Variants in CEACAM3 observed in about 807,000 individuals in gnomAD.
CEACAM3 encodes the protein cell adhesion molecule CEACAM3.
In CEACAM3, 32 loss-of-function variants were observed where a neutral mutation model predicts 30.1. That is an observed-to-expected ratio of 1.06 (90% confidence interval 0.80 to 1.43). CEACAM3 has a LOEUF of 1.43. Among genes scored for constraint, CEACAM3 ranks in the 40% most tolerant of loss-of-function variants. The pLI is 0.00. For missense variants in CEACAM3, 290 were observed against 316.3 expected (o/e 0.92, Z 0.63); for synonymous variants, 134 against 127.2 (o/e 1.05, Z -0.36).
At chr19:41,804,260 C>T (rs1280205599) in intron 2 of CEACAM3, among the ~76,000 whole-genome samples, 2 of 128,170 alleles carry the variant, frequency 1.6e-5, no homozygotes, top group Non-Finnish European at 3.7e-5. Context: ...TCTGATGGGC[C>T]CACTGCTTGT....
chr19:41,803,882 C>G (rs550808022), intron 2 of CEACAM3, among the ~76,000 whole-genome samples: 2 of 152,112 alleles, frequency 1.3e-5, no homozygotes, highest in East Asian at 3.9e-4. Context: ...GAGTTCGAGA[C>G]CAGCCTGGCC....
chr19:41,805,368 T>G (rs1476116258), intron 2 of CEACAM3, among the ~76,000 whole-genome samples: 1 of 149,892 alleles, frequency 6.7e-6, no homozygotes, highest in Non-Finnish European at 1.5e-5. Context: ...CTTGGCTCAC[T>G]GCAACCTCCG....
At position 41,811,215 on chromosome 19, in the gene CEACAM3, A is replaced by C; in HGVS notation, c.737A>C (p.His246Pro). 1 of 1,614,034 alleles carries C rather than the reference A, an allele frequency of 6.2e-7. No homozygotes were observed. The highest frequency in any genetic ancestry group is 8.5e-7 in the Non-Finnish European group (1 of 1,180,012). ...HDTNIYCRMD[H>P]KAEVAS is the part of the protein sequence containing the mutation. ...ACAAACATTTACTGCCGGATGGACC[A>C]CAAAGCAGAAGTGGCTTCTTAGCTT... is the stretch of plus-strand genomic sequence containing the variant. Residue 246 changes from histidine to proline, a missense_variant, in exon 7 of 7, where the codon CAC becomes CCC. Physicochemically the swap from His to Pro is moderately conservative, Grantham distance 77. Transcript: ENST00000357396.
intron 2 of CEACAM3, among the ~76,000 whole-genome samples, chr19:41,801,507 A>C (rs1555825979): frequency 6.6e-6 from 1 of 152,240 alleles, no homozygotes; most frequent in Non-Finnish European, 1.5e-5. Flanking sequence ...ACGATATTGC[A>C]GTCAAGAAAG....
intron 2 of CEACAM3, among the ~76,000 whole-genome samples, chr19:41,805,305 T>A (rs2073189518): frequency 6.7e-6 from 1 of 149,956 alleles, no homozygotes; most frequent in Non-Finnish European, 1.5e-5. Flanking sequence ...TTTTTTTTTT[T>A]TTTTAGATAG....
At chr19:41,800,587 C>G (rs1360085904) in intron 2 of CEACAM3, among the ~76,000 whole-genome samples, 1 of 152,172 alleles carries the variant, frequency 6.6e-6, no homozygotes, top group Non-Finnish European at 1.5e-5. Context: ...TCCTGTACGC[C>G]TGGCTCTGCC....
At position 41,797,949 on chromosome 19, in the gene CEACAM3, G is replaced by C; in HGVS notation, c.424+1G>C. 6.3e-7 allele frequency: 1 copy of C among 1,593,214 alleles called. No homozygotes were observed. Among genetic ancestry groups the C allele is most frequent in the East Asian group, 2.2e-5 (1 of 44,770 alleles). On this transcript the variant is annotated splice_donor_variant, in intron 2 of 6. Transcript: ENST00000357396. LOFTEE classifies it high-confidence loss of function. ...GCAACTGGACAGTTCCATGTATACC[G>C]TGAGTATTTCCACATGACCTCTGGG...
intron 2 of CEACAM3, among the ~76,000 whole-genome samples, chr19:41,805,716 T>C (rs2073193136): frequency 6.6e-6 from 1 of 152,208 alleles, no homozygotes; most frequent in African/African-American, 2.4e-5. Context: ...GAGAAAATAT[T>C]TGCAAAGATT....
chr19:41,810,324 C>T lies in CEACAM3; in HGVS notation c.597C>T (p.Gly199=). 1 of 1,604,974 alleles carries T rather than the reference C, an allele frequency of 6.2e-7. No homozygotes were observed. Residue 199 remains glycine, a splice_region_variant and synonymous_variant, in exon 5 of 7, where the codon GGC becomes GGT. Transcript: ENST00000357396. Reference sequence around the variant, plus strand: ...GCTCACTCCTGTCTCTGTTTCCAGGCCGTGGTCCCTCCCACAGCTCTGCCT... The same window carrying T: ...GCTCACTCCTGTCTCTGTTTCCAGGTCGTGGTCCCTCCCACAGCTCTGCCT... The part of the protein sequence containing the change: ...KEQQPQALAP[G]RGPSHSSAFS...
At chr19:41,803,426 A>ATGTG (rs1164324050) in intron 2 of CEACAM3, among the ~76,000 whole-genome samples, 323 of 128,982 alleles carry the variant, frequency 2.5e-3, no homozygotes, top group African/African-American at 7.3e-3. Flanking sequence ...TTGTGTGTGT[A>ATGTG]TGTGTGTGTG....
In CEACAM3 at chr19:41,810,834, G is replaced by C; in HGVS notation, c.630G>C (p.Met210Ile). The change falls in exon 6 of 7, where the codon ATG becomes ATC. Residue 210 changes from methionine (M) to isoleucine (I), a missense_variant and splice_region_variant. Transcript: ENST00000357396. Reference sequence around the variant, plus strand: ...TGACCCTCCCTCCCTGTCCACAGATGTCCCCTCTCTCCACTGCCCAGGCCC... The same window carrying C: ...TGACCCTCCCTCCCTGTCCACAGATCTCCCCTCTCTCCACTGCCCAGGCCC... ...RGPSHSSAFS[M>I]SPLSTAQAPL... The C allele has an allele frequency of 6.2e-7, 1 of 1,612,414 alleles. No individual in the cohort carries two copies. Among genetic ancestry groups the C allele is most frequent in the Non-Finnish European group, 8.5e-7 (1 of 1,178,988 alleles).
chr19:41,802,037 G>T (rs577166448), intron 2 of CEACAM3, among the ~76,000 whole-genome samples: 1 of 152,178 alleles, frequency 6.6e-6, no homozygotes, highest in Non-Finnish European at 1.5e-5. Context: ...GCCCAGGAAT[G>T]AGCAAGGACA....
At chr19:41,811,141 A>T in intron 6 of CEACAM3, 31 bp from the exon 7 acceptor site, 1 of 1,610,268 alleles carries the variant, frequency 6.2e-7, no homozygotes, top group East Asian at 2.2e-5. Flanking sequence ...AGGAGACTAG[A>T]GGGGTCCAGG....
At chr19:41,800,858 C>T (rs1555825924) in intron 2 of CEACAM3, among the ~76,000 whole-genome samples, 4 of 152,194 alleles carry the variant, frequency 2.6e-5, no homozygotes, top group Admixed American at 1.3e-4. Context: ...TACCAGTCTC[C>T]GCGCATTGGT....
intron 2 of CEACAM3, among the ~76,000 whole-genome samples, chr19:41,803,461 G>T (rs55885625): frequency 0.01 from 768 of 73,878 alleles, 6 homozygotes; most frequent in East Asian, 0.031. Context: ...TGTGTGTGTT[G>T]TTTTGTTTGT....
chr19:41,801,241 C>T (rs2073144351), intron 2 of CEACAM3, among the ~76,000 whole-genome samples: 1 of 152,198 alleles, frequency 6.6e-6, no homozygotes, highest in Admixed American at 6.5e-5. Flanking sequence ...GTGGCCTGGC[C>T]CACCTCCGGG....
chr19:41,803,910 T>A (rs1488483782), intron 2 of CEACAM3, among the ~76,000 whole-genome samples: 1 of 151,776 alleles, frequency 6.6e-6, no homozygotes, highest in East Asian at 1.9e-4. Flanking sequence ...TGATACCCTG[T>A]CTCTACTAAA....
chr19:41,805,583 C>G (rs1353326770), intron 2 of CEACAM3, among the ~76,000 whole-genome samples: 1 of 152,194 alleles, frequency 6.6e-6, no homozygotes, highest in Non-Finnish European at 1.5e-5. Flanking sequence ...GCCACCGCAC[C>G]CGGTCTGCAT....
In CEACAM3 at chr19:41,809,985, T is replaced by G; in HGVS notation, c.563T>G (p.Leu188Arg). ...CCTAGAACCAGCATCCAGCGTGACC[T>G]CAAGGAGCAGCAGCCCCAAGCCCTT... Reference protein sequence around the residue: ...KTGRTSIQRDLKEQQPQALAP... With the variant: ...KTGRTSIQRDRKEQQPQALAP... Residue 188 changes from leucine to arginine, a missense_variant, in exon 4 of 7, where the codon CTC becomes CGC. Coordinates refer to ENST00000357396, the MANE Select transcript of CEACAM3 (RefSeq NM_001815.5). 1 of 1,613,870 alleles carries G rather than the reference T, an allele frequency of 6.2e-7. No individual in the cohort carries two copies. Among genetic ancestry groups the G allele is most frequent in the East Asian group, 2.2e-5 (1 of 44,870 alleles).
Sources: allele counts gnomAD v4.1 joint callset (sites outside exome capture counted in the v4.1 genomes callset), GRCh38; gene constraint gnomAD v4.1.1; transcripts MANE v1.5; gene names NCBI Gene and HGNC (gene_info 2026-07-23, HGNC 2026-07-21).